Variants in BRD1 observed in about 807,000 individuals in gnomAD.
The protein encoded by BRD1 is bromodomain-containing protein 1.
Under a neutral mutation model 107.7 loss-of-function variants are expected in BRD1, and 24 were observed. The observed-to-expected ratio is 0.22, with a 90% CI of 0.16 to 0.31. BRD1 has a LOEUF of 0.31. BRD1 is among the 10% of genes least tolerant of loss of function. The pLI is 1.00. For missense variants in BRD1, 1,279 were observed against 1,638.6 expected (o/e 0.78, Z 3.79); for synonymous variants, 744 against 686.1 (o/e 1.08, Z -1.32).
intron 8 of BRD1, among the ~76,000 whole-genome samples, chr22:49,781,496 C>T (rs758052723): frequency 1.3e-5 from 2 of 152,252 alleles, no homozygotes; most frequent in Non-Finnish European, 2.9e-5. Context: ...CACCACAAAT[C>T]CTCCAGGCCA....
chr22:49,775,553 C>G, intron 12 of BRD1, 38 bp downstream of exon 12: 12 of 1,405,734 alleles, frequency 8.5e-6, no homozygotes, highest in Non-Finnish European at 1.0e-5. Flanking sequence ...CCCCAACCAC[C>G]CCAGCCGGTC....
intron 2 of BRD1, among the ~76,000 whole-genome samples, chr22:49,811,788 G>C (rs2059854460): frequency 6.6e-6 from 1 of 152,228 alleles, no homozygotes; most frequent in Non-Finnish European, 1.5e-5. Flanking sequence ...TCCCCCACGG[G>C]CGGCAGAACA....
At position 49,823,709 on chromosome 22, in the gene BRD1, C is replaced by T; in HGVS notation, c.609G>A (p.Lys203=). The T allele has an allele frequency of 6.2e-7, 1 of 1,613,964 alleles. No individual in the cohort carries two copies. Among genetic ancestry groups the T allele is most frequent in the Non-Finnish European group, 8.5e-7 (1 of 1,179,978 alleles). ...FEKESHCENQ[K]QGEQQSLIDE... is the part of the protein sequence containing the mutation. ...CGATCAGAGACTGCTGCTCGCCCTGCTTCTGGTTCTCGCAGTGCGACTCCT... is the reference window on the plus strand; with the variant it reads ...CGATCAGAGACTGCTGCTCGCCCTGTTTCTGGTTCTCGCAGTGCGACTCCT... The change falls in exon 2 of 13, where the codon AAG becomes AAA. Residue 203 remains lysine (K), a synonymous_variant. Coordinates refer to ENST00000404760, the MANE Select transcript of BRD1 (RefSeq NM_001304808.3).
intron 3 of BRD1, among the ~76,000 whole-genome samples, chr22:49,799,421 CG>C (rs575392576): frequency 5.3e-5 from 8 of 151,862 alleles, no homozygotes; most frequent in South Asian, 4.2e-4. Context: ...AAGCTGGCGG[CG>C]GGGGGGGCCT....
At chr22:49,775,930 G>A (rs1182855311) in intron 11 of BRD1, 120 bp downstream of exon 11, 543 of 757,008 alleles carry the variant, frequency 7.2e-4, no homozygotes, top group Non-Finnish European at 7.6e-4. Flanking sequence ...GACCAACCCC[G>A]CCCCCCCGCC....
chr22:49,775,818 C>CCCGCCG lies in BRD1; in HGVS notation c.3232-74_3232-73insCGGCGG, dbSNP rs2059073724. The CCCGCCG allele has an allele frequency of 1.7e-5, 22 of 1,281,240 alleles. 1 individual carries two copies. In the African/African-American group the frequency reaches 2.6e-4, roughly 15 times the overall value. 79.4% of individuals were successfully genotyped at this position (1,281,240 alleles called of 1,614,324 possible). Reference sequence around the variant, plus strand: ...AACAACCCCACCTGTCACTGGCACCCCCCCCCGCCTCCCCACCCCAGCTGT... The same window carrying CCCGCCG: ...AACAACCCCACCTGTCACTGGCACCCCCGCCGCCCCCCGCCTCCCCACCCCAGCTGT... On this transcript the variant is annotated intron_variant, in intron 11 of 12. Transcript: ENST00000404760.
chr22:49,787,757 T>C lies in BRD1; in HGVS notation c.2490A>G (p.Arg830=). 1 of 1,550,914 alleles carries C rather than the reference T, an allele frequency of 6.4e-7. No individual in the cohort carries two copies. Among genetic ancestry groups the C allele is most frequent in the Non-Finnish European group, 8.7e-7 (1 of 1,147,068 alleles). ...TATGTGATTCATTATCAAATGTGACTCTTTTGAAAAGTTTACTCTGCTCTG... is the reference window on the plus strand; with the variant it reads ...TATGTGATTCATTATCAAATGTGACCCTTTTGAAAAGTTTACTCTGCTCTG... ...LNPEQSKLFK[R]VTFDNESHSA... is the part of the protein sequence containing the mutation. Residue 830 remains arginine, a synonymous_variant, in exon 8 of 13, where the codon AGA becomes AGG. Coordinates refer to ENST00000404760, the MANE Select transcript of BRD1 (RefSeq NM_001304808.3).
chr22:49,814,061 C>G (rs1181477042), intron 2 of BRD1, among the ~76,000 whole-genome samples: 1 of 152,036 alleles, frequency 6.6e-6, no homozygotes, highest in Non-Finnish European at 1.5e-5. Context: ...GAACGGAATT[C>G]CATGGCCAGG....
chr22:49,776,983 A>G (rs2059112859), intron 10 of BRD1, 51 bp downstream of exon 10: 3 of 1,608,016 alleles, frequency 1.9e-6, no homozygotes, highest in Non-Finnish European at 2.5e-6. Flanking sequence ...GAGCCCTAAG[A>G]CGCTAACCAG....
chr22:49,777,114 C>T lies in BRD1; in HGVS notation c.3041G>A (p.Arg1014Gln), dbSNP rs572576752. ...CGRGKPALVR[R>Q]HTLEDRSELI... Reference sequence around the variant, plus strand: ...CTCACTGCGGTCCTCCAGCGTGTGCCGTCGCACAAGAGCCGGTTTGCCCCG... The same window carrying T: ...CTCACTGCGGTCCTCCAGCGTGTGCTGTCGCACAAGAGCCGGTTTGCCCCG... Residue 1014 changes from arginine (R) to glutamine (Q), a missense_variant, in exon 10 of 13, where the codon CGG (arginine) becomes CAG (glutamine). Coordinates refer to ENST00000404760, the MANE Select transcript of BRD1 (RefSeq NM_001304808.3). The T allele has an allele frequency of 1.4e-5, 22 of 1,613,358 alleles. No individual in the cohort carries two copies. In the South Asian group the frequency reaches 1.9e-4, roughly 14 times the overall value.
At chr22:49,782,070 G>A (rs566768901) in intron 8 of BRD1, among the ~76,000 whole-genome samples, 2 of 151,274 alleles carry the variant, frequency 1.3e-5, no homozygotes, top group Non-Finnish European at 2.9e-5. Flanking sequence ...CTATGTTGCT[G>A]GGACCCGCTC....
At chr22:49,821,603 ACTT>A (rs199666325) in intron 2 of BRD1, among the ~76,000 whole-genome samples, 12 of 129,396 alleles carry the variant, frequency 9.3e-5, no homozygotes, top group Admixed American at 2.8e-4. Context: ...ATCACTTAAA[ACTT>A]CTTTTTTTTT....
rs1003447011 is a variant in BRD1, at chr22:49,787,376, C to T, written c.2857+14G>A. 5.6e-6 allele frequency: 9 copies of T among 1,604,808 alleles called. No homozygotes were observed. Among genetic ancestry groups the T allele is most frequent in the Non-Finnish European group, 7.7e-6 (9 of 1,175,520 alleles). On this transcript the variant is annotated intron_variant, in intron 8 of 12. Transcript: ENST00000404760. ...TCGGCAAGGGCGCCTCTCAGGGCCGCCCGCGGCATTTACCTGCGTCCAGGC... is the reference window on the plus strand; with the variant it reads ...TCGGCAAGGGCGCCTCTCAGGGCCGTCCGCGGCATTTACCTGCGTCCAGGC...
chr22:49,824,964 C>T lies in BRD1; in HGVS notation c.-14-633G>A, dbSNP rs1437303762. 1.3e-5 allele frequency among the ~76,000 whole-genome samples: 2 copies of T among 152,122 alleles called. No homozygotes were observed. The highest frequency in any genetic ancestry group is 3.9e-4 in the East Asian group (2 of 5,184). On this transcript the variant is annotated intron_variant, in intron 1 of 12. Coordinates refer to ENST00000404760, the MANE Select transcript of BRD1 (RefSeq NM_001304808.3). The surrounding 1 kb of genome is among the most constrained non-coding windows in gnomAD (Gnocchi z 5.9). ...ATAGACAGGCCCTCCACACGCACAACACGGCACAGGGGACCAACAGGGGAG... is the reference window on the plus strand; with the variant it reads ...ATAGACAGGCCCTCCACACGCACAATACGGCACAGGGGACCAACAGGGGAG...
At chr22:49,808,898 C>T (rs1431449140) in intron 2 of BRD1, among the ~76,000 whole-genome samples, 1 of 152,138 alleles carries the variant, frequency 6.6e-6, no homozygotes, top group Non-Finnish European at 1.5e-5. Flanking sequence ...GCAGGCAGAT[C>T]ATGAGGTCAG....
intron 3 of BRD1, among the ~76,000 whole-genome samples, chr22:49,801,397 C>G (rs1444016371): frequency 6.6e-6 from 1 of 152,212 alleles, no homozygotes; most frequent in African/African-American, 2.4e-5. Context: ...ATCCACCTGC[C>G]CCCACCACAG....
rs1349055027 is a variant in BRD1, at chr22:49,773,644, G to A, written c.*589C>T. The A allele has an allele frequency of 1.3e-5, 2 of 152,582 alleles. No individual in the cohort carries two copies. Among genetic ancestry groups the A allele is most frequent in the Non-Finnish European group, 2.9e-5 (2 of 68,042 alleles). The allele number at this position is 152,582 out of a possible 1,614,324, so 9.5% of individuals were successfully genotyped here. ...TTGCAAATGTATTTTTCATTATAAA[G>A]CAAATGAATACACTTTCTACAATAA... is the stretch of plus-strand genomic sequence containing the variant. On this transcript the variant is annotated 3_prime_UTR_variant, in exon 13 of 13. Coordinates refer to ENST00000404760, the MANE Select transcript of BRD1 (RefSeq NM_001304808.3).
Position 49,777,160 on chromosome 22 carries a change from A to G in BRD1, c.2995T>C (p.Phe999Leu). The change falls in exon 10 of 13, where the codon TTT (phenylalanine) becomes CTT (leucine). Residue 999 changes from phenylalanine to leucine, a missense_variant and splice_region_variant. Phe to Leu is a conservative substitution (Grantham distance 22). Coordinates refer to ENST00000404760, the MANE Select transcript of BRD1 (RefSeq NM_001304808.3). ...CCCCGCCCACATTTGGGCGCATTAA[A>G]GCTTCGGGAGGAAGAGCAGAGGGAG... The part of the protein sequence containing the change: ...SSNSPLCDSS[F>L]NAPKCGRGKP... The G allele has an allele frequency of 6.2e-7, 1 of 1,612,786 alleles. No individual in the cohort carries two copies. The highest frequency in any genetic ancestry group is 8.5e-7 in the Non-Finnish European group (1 of 1,179,910).
At chr22:49,813,635 C>A (rs2059896588) in intron 2 of BRD1, among the ~76,000 whole-genome samples, 1 of 151,684 alleles carries the variant, frequency 6.6e-6, no homozygotes, top group Non-Finnish European at 1.5e-5. Flanking sequence ...AGTTCGAGAC[C>A]AGCCTGGCCA....
Sources: gnomAD v4.1 joint callset for allele counts (sites outside exome capture counted in the v4.1 genomes callset) on GRCh38, gnomAD v4.1.1 for gene constraint, Gnocchi (gnomAD v3.1) non-coding constraint, MANE v1.5 for transcripts, NCBI Gene and HGNC (gene_info 2026-07-23, HGNC 2026-07-21) for gene names.